The following PRKN variants were observed in gnomAD, a reference collection of about 807,000 sequenced individuals.
PRKN encodes the protein parkin RBR E3 ubiquitin protein ligase, also known as E3 ubiquitin-protein ligase parkin.
A neutral mutation model predicts 59.5 loss-of-function variants in PRKN; 56 were observed. The ratio of observed to expected loss-of-function variants is 0.94; its 90% CI spans 0.76 to 1.18. PRKN has a LOEUF of 1.18. PRKN is among the 50% of genes most tolerant of loss of function. PRKN has a pLI of 0.00. For missense variants in PRKN, 657 were observed against 596.4 expected, an observed-to-expected ratio of 1.10 and a Z score of -1.06; for synonymous variants, 250 against 222.1, an observed-to-expected ratio of 1.13 and a Z score of -1.12.
At chr6:162,181,809 G>A (rs962291759) in intron 4 of PRKN, among the ~76,000 whole-genome samples, 2 of 152,134 alleles carry the variant, frequency 1.3e-5, no homozygotes, top group Non-Finnish European at 2.9e-5. Flanking sequence ...AAAGTGCACA[G>A]ACACACTCAG....
chr6:161,784,845 C>T (rs139253135), intron 7 of PRKN, among the ~76,000 whole-genome samples: 20 of 152,150 alleles, frequency 1.3e-4, no homozygotes, highest in Admixed American at 7.2e-4. Flanking sequence ...GCCAAAAAGA[C>T]GGAAACAACA....
chr6:162,045,679 G>T (rs1784222936), intron 5 of PRKN, among the ~76,000 whole-genome samples: 1 of 152,220 alleles, frequency 6.6e-6, no homozygotes, highest in Non-Finnish European at 1.5e-5. Flanking sequence ...TAAGACAGAT[G>T]ATAGCTCCTT....
Position 162,464,425 on chromosome 6 carries a change from T to C in PRKN, c.8-20952A>G, listed in dbSNP as rs187362153. ...AACTTTTATTTTCTTAAGGAAAAAT[T>C]GAACTTTGATTTTAAAAATTCTAAA... On this transcript the variant is annotated intron_variant, in intron 1 of 11. Coordinates refer to ENST00000366898, the MANE Select transcript of PRKN (RefSeq NM_004562.3). 3.3e-4 allele frequency among the ~76,000 whole-genome samples: 50 copies of C among 152,238 alleles called. No homozygotes were observed. The East Asian group carries it at 8.5e-3, about 26-fold the overall frequency.
rs34333763 is a variant in PRKN, at chr6:162,498,439, C to CTT, written c.8-54968_8-54967dup. Among the ~76,000 whole-genome samples, 33 of 12,436 alleles carry CTT rather than the reference C, an allele frequency of 2.7e-3. 3 individuals carry two copies. Among genetic ancestry groups the CTT allele is most frequent in the East Asian group, 3.3e-3 (1 of 304 alleles). The allele number at this position is 12,436 out of a possible 152,430, so 8.2% of individuals were successfully genotyped here. ...TTGAGATGGAGTTTCTTTCCTTTTT[C>CTT]TTTTTTTTTTTTTTTTTTTTTTTGA... On this transcript the variant is annotated intron_variant, in intron 1 of 11. Transcript: ENST00000366898.
At chr6:161,516,228 A>C (rs1427217353) in intron 9 of PRKN, among the ~76,000 whole-genome samples, 1 of 151,964 alleles carries the variant, frequency 6.6e-6, no homozygotes, top group East Asian at 1.9e-4. Context: ...TGGGTGGGTC[A>C]CCTGAGGCCA....
At chr6:162,247,878 C>A (rs754697561) in intron 3 of PRKN, among the ~76,000 whole-genome samples, 1 of 152,092 alleles carries the variant, frequency 6.6e-6, no homozygotes, top group Non-Finnish European at 1.5e-5. Context: ...TTGATTAAAT[C>A]GATAATTAAA....
At chr6:162,116,688 C>A (rs566896769) in intron 4 of PRKN, among the ~76,000 whole-genome samples, 1 of 152,128 alleles carries the variant, frequency 6.6e-6, no homozygotes, top group South Asian at 2.1e-4. Flanking sequence ...ATGTAAGGTG[C>A]TCACAGTCTA....
chr6:161,772,342 TG>T (rs1313752849), intron 7 of PRKN, among the ~76,000 whole-genome samples: 6 of 152,220 alleles, frequency 3.9e-5, no homozygotes, highest in African/African-American at 1.4e-4. Flanking sequence ...TCTCATTTCC[TG>T]TGACACTGCA....
intron 1 of PRKN, among the ~76,000 whole-genome samples, chr6:162,572,879 G>A (rs1383444245): frequency 7.0e-6 from 1 of 143,626 alleles, no homozygotes; most frequent in Non-Finnish European, 1.5e-5. Context: ...AAAACCCCCT[G>A]GGGCTCTTCC....
chr6:162,683,241 A>G (rs1415969239), intron 1 of PRKN, among the ~76,000 whole-genome samples: 1 of 152,194 alleles, frequency 6.6e-6, no homozygotes, highest in Non-Finnish European at 1.5e-5. Context: ...ACGGCTATTT[A>G]AAGTAATTAA....
chr6:161,507,920 G>T (rs1323141265), intron 9 of PRKN, among the ~76,000 whole-genome samples: 7 of 152,004 alleles, frequency 4.6e-5, no homozygotes, highest in African/African-American at 1.7e-4. Context: ...GTTTATAATA[G>T]GTGCTCAATA....
intron 1 of PRKN, among the ~76,000 whole-genome samples, chr6:162,506,091 G>A (rs1388217261): frequency 6.6e-6 from 1 of 152,086 alleles, no homozygotes; most frequent in African/African-American, 2.4e-5. Flanking sequence ...AGCCAAAGAA[G>A]ATTCCAAAAT....
intron 2 of PRKN, among the ~76,000 whole-genome samples, chr6:162,442,783 C>T (rs758687235): frequency 1.3e-5 from 2 of 152,078 alleles, no homozygotes; most frequent in African/African-American, 2.4e-5. Flanking sequence ...CAGAACTGTG[C>T]GATTCTGGTC....
chr6:162,446,186 A>T (rs1369050475), intron 1 of PRKN, among the ~76,000 whole-genome samples: 1 of 152,332 alleles, frequency 6.6e-6, no homozygotes, highest in East Asian at 1.9e-4. Context: ...CCATAAGACA[A>T]CCAATTCATC....
intron 2 of PRKN, among the ~76,000 whole-genome samples, chr6:162,297,075 C>A (rs761554718): frequency 6.6e-6 from 1 of 152,102 alleles, no homozygotes; most frequent in African/African-American, 2.4e-5. Flanking sequence ...AAATTAATCC[C>A]CATGATTTCA....
intron 4 of PRKN, among the ~76,000 whole-genome samples, chr6:162,120,252 C>T (rs1245531847): frequency 6.6e-6 from 1 of 152,216 alleles, no homozygotes. Flanking sequence ...AATTCTCCTG[C>T]TTCATCCTCC....
At chr6:162,391,515 T>C (rs1787191536) in intron 2 of PRKN, among the ~76,000 whole-genome samples, 1 of 151,556 alleles carries the variant, frequency 6.6e-6, no homozygotes, top group South Asian at 2.1e-4. Context: ...CTGCGCATGC[T>C]TGACGTGGAT....
chr6:162,656,740 C>A (rs949505269), intron 1 of PRKN, among the ~76,000 whole-genome samples: 4 of 152,190 alleles, frequency 2.6e-5, no homozygotes, highest in Admixed American at 2.6e-4. Context: ...GCTTTACATT[C>A]CTCTTGATCT....
chr6:162,248,707 TC>T (rs1298001584), intron 3 of PRKN, among the ~76,000 whole-genome samples: 1 of 152,072 alleles, frequency 6.6e-6, no homozygotes, highest in Non-Finnish European at 1.5e-5. Flanking sequence ...TAACCCAAGA[TC>T]CAAAAAATAA....
Sources: gnomAD v4.1 joint callset for allele counts (sites outside exome capture counted in the v4.1 genomes callset) on GRCh38, gnomAD v4.1.1 for gene constraint, MANE v1.5 for transcripts, NCBI Gene and HGNC (gene_info 2026-07-23, HGNC 2026-07-21) for gene names.